Variants in LRRC9 observed in about 807,000 individuals in gnomAD.
LRRC9 encodes the protein leucine-rich repeat-containing protein 9.
Under a neutral mutation model 63.2 loss-of-function variants are expected in LRRC9, and 122 were observed. The observed-to-expected ratio is 1.93, with a 90% CI of 1.67 to 2.24. The LOEUF is 2.24. LRRC9 is among the 30% of genes most tolerant of loss of function. LRRC9 has a pLI of 0.00. For synonymous variants in LRRC9, 366 were observed against 213.1 expected (o/e 1.72, Z -6.25); for missense variants, 1,071 against 627.7 (o/e 1.71, Z -7.55).
At chr14:60,038,560 C>A (rs1427924908) in intron 29 of LRRC9, among the ~76,000 whole-genome samples, 1 of 152,108 alleles carries the variant, frequency 6.6e-6, no homozygotes, top group African/African-American at 2.4e-5. Flanking sequence ...CAATTTGGCT[C>A]TCTGTTTATC....
At chr14:60,054,721 A>G (rs1426387376) in intron 30 of LRRC9, among the ~76,000 whole-genome samples, 1 of 151,914 alleles carries the variant, frequency 6.6e-6, no homozygotes, top group Admixed American at 6.6e-5. Context: ...ACTTTTAAAT[A>G]TTTTATTTTT....
Position 59,941,042 on chromosome 14 carries a change from T to A in LRRC9, c.726+2470T>A, listed in dbSNP as rs199783104. Among the ~76,000 whole-genome samples, 39 of 151,986 alleles carry A rather than the reference T, an allele frequency of 2.6e-4. No individual in the cohort carries two copies. The East Asian group carries it at 7.2e-3, about 28-fold the overall frequency. On this transcript the variant is annotated intron_variant, in intron 7 of 31. Coordinates refer to ENST00000445360, the Ensembl canonical transcript of LRRC9. ...AATAGTCTTCCCTCTTTCCCCAAAA[T>A]CTTACTATATACTCTCAAACAAGGA...
intron 21 of LRRC9, among the ~76,000 whole-genome samples, chr14:60,005,233 A>T (rs1274958268): frequency 6.6e-6 from 1 of 152,094 alleles, no homozygotes; most frequent in Non-Finnish European, 1.5e-5. Flanking sequence ...CACTTATTGA[A>T]GATACAGATT....
At chr14:60,059,548 G>T (rs193111442) in intron 31 of LRRC9, among the ~76,000 whole-genome samples, 1 of 152,150 alleles carries the variant, frequency 6.6e-6, no homozygotes, top group Non-Finnish European at 1.5e-5. Context: ...TTAAAAATGC[G>T]ACTCCAAGGA....
intron 22 of LRRC9, among the ~76,000 whole-genome samples, chr14:60,006,990 C>A (rs756589865): frequency 6.6e-6 from 1 of 152,084 alleles, no homozygotes; most frequent in African/African-American, 2.4e-5. Context: ...CCCCAAAAAA[C>A]CACTAATTTA....
chr14:59,952,815 C>A (rs371443783), intron 8 of LRRC9, among the ~76,000 whole-genome samples: 1 of 152,144 alleles, frequency 6.6e-6, no homozygotes, highest in Non-Finnish European at 1.5e-5. Context: ...CCTTGCCCCC[C>A]ACCTCGCAAC....
chr14:59,980,337 T>C (rs535189631), intron 15 of LRRC9, among the ~76,000 whole-genome samples: 2 of 152,316 alleles, frequency 1.3e-5, no homozygotes, highest in African/African-American at 2.4e-5. Context: ...TTCTGTTCCA[T>C]TGAACTCTTT....
Position 59,938,696 on chromosome 14 carries a change from GC to G in LRRC9, c.726+127del. 2.1e-6 allele frequency: 1 copy of G among 472,598 alleles called. No homozygotes were observed. The allele number at this position is 472,598 out of a possible 1,614,324, so 29.3% of individuals were successfully genotyped here. ...AGTTCTTGTTGCCAAGTCTGCTTTT[GC>G]CCTAGTGAACTGGATATTACACATA... On this transcript the variant is annotated intron_variant, in intron 7 of 31. Coordinates refer to ENST00000445360, the Ensembl canonical transcript of LRRC9. This position sits in a 1 kb window ranked among gnomAD's most constrained non-coding sequence, Gnocchi z 4.2.
At chr14:59,965,406 A>T (rs1475321096) in intron 10 of LRRC9, among the ~76,000 whole-genome samples, 1 of 152,084 alleles carries the variant, frequency 6.6e-6, no homozygotes, top group East Asian at 1.9e-4. Flanking sequence ...TTCTGGCTTT[A>T]CTTGTTTAGG....
rs892099869 is a variant in LRRC9, at chr14:59,938,056, T to C, written c.544-334T>C. ...AGAAATCAGAGACCTACAGGTATCC[T>C]GGGGGCAATTAGCAAGAGGGGCTGT... is the stretch of plus-strand genomic sequence containing the variant. On this transcript the variant is annotated intron_variant, in intron 6 of 31. Coordinates refer to ENST00000445360, the Ensembl canonical transcript of LRRC9. This position sits in a 1 kb window ranked among gnomAD's most constrained non-coding sequence, Gnocchi z 4.2. Among the ~76,000 whole-genome samples the C allele has an allele frequency of 6.6e-6, 1 of 152,082 alleles. No homozygotes were observed. Among genetic ancestry groups the C allele is most frequent in the Non-Finnish European group, 1.5e-5 (1 of 67,982 alleles).
intron 27 of LRRC9, among the ~76,000 whole-genome samples, chr14:60,026,420 T>C (rs1286079769): frequency 6.6e-6 from 1 of 152,116 alleles, no homozygotes; most frequent in East Asian, 1.9e-4. Flanking sequence ...GAAATGTCTA[T>C]GCAGACCTTT....
intron 29 of LRRC9, among the ~76,000 whole-genome samples, chr14:60,034,854 T>C (rs899376490): frequency 3.3e-5 from 5 of 152,196 alleles, no homozygotes; most frequent in African/African-American, 1.2e-4. Flanking sequence ...TCCTTTTAGA[T>C]ACATACCCAG....
At chr14:59,979,980 A>T (rs141197957) in intron 15 of LRRC9, among the ~76,000 whole-genome samples, 7 of 151,054 alleles carry the variant, frequency 4.6e-5, no homozygotes, top group African/African-American at 1.4e-4. Flanking sequence ...TAATAAAATT[A>T]AAAAAAAGAA....
At chr14:59,933,341 T>G (rs1889868512) in intron 6 of LRRC9, among the ~76,000 whole-genome samples, 1 of 152,142 alleles carries the variant, frequency 6.6e-6, no homozygotes, top group South Asian at 2.1e-4. Context: ...GTATCCACAA[T>G]CCTTAACACA....
intron 12 of LRRC9, among the ~76,000 whole-genome samples, chr14:59,970,868 C>G (rs1885410564): frequency 1.3e-5 from 2 of 152,004 alleles, no homozygotes; most frequent in African/African-American, 4.8e-5. Flanking sequence ...TTCTCCCATT[C>G]TGTAGATTGT....
At chr14:59,991,418 T>G (rs906181256) in intron 17 of LRRC9, among the ~76,000 whole-genome samples, 1 of 152,044 alleles carries the variant, frequency 6.6e-6, no homozygotes, top group Non-Finnish European at 1.5e-5. Flanking sequence ...ATTTCTGCAT[T>G]TTCAGCTGAG....
At chr14:60,039,891 G>T (rs945974017) in intron 29 of LRRC9, among the ~76,000 whole-genome samples, 1 of 152,134 alleles carries the variant, frequency 6.6e-6, no homozygotes, top group African/African-American at 2.4e-5. Context: ...GCTTTCTCCT[G>T]TGTACATTTA....
chr14:59,925,641 A>G (rs781728164), intron 1 of LRRC9, among the ~76,000 whole-genome samples: 1 of 152,234 alleles, frequency 6.6e-6, no homozygotes, highest in Non-Finnish European at 1.5e-5. Flanking sequence ...AAGCATGAGT[A>G]CAAATACAGA....
intron 1 of LRRC9, among the ~76,000 whole-genome samples, chr14:59,921,766 A>G (rs147923579): frequency 5.4e-4 from 71 of 130,552 alleles, no homozygotes; most frequent in Non-Finnish European, 7.8e-4. Flanking sequence ...AGGATTTTTC[A>G]CCATGAAGAA....
Sources: gnomAD v4.1 joint callset for allele counts (sites outside exome capture counted in the v4.1 genomes callset) on GRCh38, gnomAD v4.1.1 for gene constraint, Gnocchi (gnomAD v3.1) non-coding constraint, MANE v1.5 for transcripts, NCBI Gene and HGNC (gene_info 2026-07-23, HGNC 2026-07-21) for gene names.